RAB38: variants seen among roughly 807,000 people sequenced by gnomAD.
RAB38 encodes the protein RAB38, member RAS oncogene family, also known as ras-related protein Rab-38.
Under a neutral mutation model 18.4 loss-of-function variants are expected in RAB38, and 15 were observed. The observed-to-expected ratio is 0.82, with a 90% CI of 0.55 to 1.26. RAB38 has a LOEUF of 1.26. RAB38 is among the 50% of genes most tolerant of loss of function. The pLI is 0.00. For missense variants in RAB38, 294 were observed against 267.4 expected (o/e 1.10, Z -0.69); for synonymous variants, 101 against 104.4 (o/e 0.97, Z 0.20).
the RAB38 span, among the ~76,000 whole-genome samples, chr11:87,865,761 G>C: frequency 9.2e-5 from 14 of 151,760 alleles, no homozygotes; most frequent in Non-Finnish European, 1.6e-4. Flanking sequence ...GTGAGAGTCC[G>C]CAGACTTGGA....
chr11:87,945,912 G>A, the RAB38 span, among the ~76,000 whole-genome samples: 4 of 152,186 alleles, frequency 2.6e-5, no homozygotes, highest in East Asian at 7.7e-4. Flanking sequence ...ACTATGACAG[G>A]CTCTTCAGAT....
chr11:87,954,574 T>TATC, the RAB38 span, among the ~76,000 whole-genome samples: 1 of 152,038 alleles, frequency 6.6e-6, no homozygotes, highest in Non-Finnish European at 1.5e-5. Flanking sequence ...TTCTGTGCCT[T>TATC]ATCTGAACAA....
chr11:87,877,138 A>G, the RAB38 span, among the ~76,000 whole-genome samples: 6 of 151,652 alleles, frequency 4.0e-5, no homozygotes, highest in East Asian at 1.2e-3. Flanking sequence ...GCATGGAAGT[A>G]CCATACGTGC....
At chr11:87,976,841 A>G in the RAB38 span, among the ~76,000 whole-genome samples, 179 of 55,156 alleles carry the variant, frequency 3.2e-3, 14 homozygotes, top group African/African-American at 0.016. Context: ...ATAAATATAT[A>G]TTGTGTTATA....
At chr11:87,910,804 C>G in the RAB38 span, among the ~76,000 whole-genome samples, 2 of 151,704 alleles carry the variant, frequency 1.3e-5, no homozygotes, top group Admixed American at 1.3e-4. Context: ...CCACACCCAG[C>G]TAATGTATTT....
the RAB38 span, among the ~76,000 whole-genome samples, chr11:87,889,309 A>C: frequency 9.9e-4 from 151 of 151,996 alleles, 1 homozygote; most frequent in African/African-American, 3.4e-3. Flanking sequence ...TGCAATGAGC[A>C]CACATGACCT....
At chr11:87,893,085 G>A in the RAB38 span, among the ~76,000 whole-genome samples, 3 of 151,304 alleles carry the variant, frequency 2.0e-5, no homozygotes, top group Admixed American at 6.6e-5. Context: ...TTGTTTCCAC[G>A]ATGTTGATGG....
At chr11:88,019,205 C>T in the RAB38 span, among the ~76,000 whole-genome samples, 1 of 152,152 alleles carries the variant, frequency 6.6e-6, no homozygotes, top group African/African-American at 2.4e-5. Context: ...AATTTTTCCA[C>T]CTATACCACA....
the RAB38 span, among the ~76,000 whole-genome samples, chr11:87,964,406 A>G: frequency 6.6e-6 from 1 of 152,106 alleles, no homozygotes; most frequent in Non-Finnish European, 1.5e-5. Context: ...GGAATTGTGG[A>G]AGGTCTCTTG....
the RAB38 span, among the ~76,000 whole-genome samples, chr11:87,830,385 G>A: frequency 5.3e-5 from 8 of 151,962 alleles, no homozygotes; most frequent in African/African-American, 1.2e-4. Flanking sequence ...GGAGGCTGAG[G>A]TGGAAGAATA....
At chr11:88,112,040 A>G (rs537398687), downstream of RAB38, among the ~76,000 whole-genome samples, 2 of 152,348 alleles carry the variant, frequency 1.3e-5, no homozygotes, top group South Asian at 4.1e-4. Context: ...TGCCAGGTAG[A>G]CTTGTCAGAA....
chr11:87,929,596 G>A, the RAB38 span, among the ~76,000 whole-genome samples: 1 of 150,482 alleles, frequency 6.6e-6, no homozygotes, highest in African/African-American at 2.4e-5. Flanking sequence ...TAAGTTTTAG[G>A]GTACATGTAT....
the RAB38 span, among the ~76,000 whole-genome samples, chr11:88,004,425 C>T: frequency 1.3e-5 from 2 of 151,082 alleles, no homozygotes; most frequent in Non-Finnish European, 3.0e-5. Flanking sequence ...AAATTCAGTA[C>T]CAATTCTATC....
chr11:88,067,983 T>TTA, the RAB38 span, among the ~76,000 whole-genome samples: 93,092 of 146,660 alleles, frequency 0.63, 29,895 homozygotes, highest in African/African-American at 0.72. Flanking sequence ...ATATATATAC[T>TTA]TATATATATA....
chr11:87,822,460 A>G, the RAB38 span, among the ~76,000 whole-genome samples: 86,775 of 152,054 alleles, frequency 0.57, 27,229 homozygotes, highest in Non-Finnish European at 0.71. Context: ...CTCTCACAAG[A>G]CTTCAAACCA....
chr11:87,953,293 A>G, the RAB38 span, among the ~76,000 whole-genome samples: 1 of 152,182 alleles, frequency 6.6e-6, no homozygotes, highest in African/African-American at 2.4e-5. Context: ...ATGTATATCA[A>G]GTAGTGATGA....
intron 2 of RAB38, among the ~76,000 whole-genome samples, chr11:88,135,102 C>A (rs71467589): frequency 6.9e-4 from 101 of 146,566 alleles, no homozygotes; most frequent in South Asian, 1.2e-3. Flanking sequence ...ACCTTAAAAA[C>A]AACAACAACA....
intron 1 of RAB38, chr11:88,166,676 C>G (rs1943249267): frequency 6.6e-6 from 1 of 151,940 alleles, no homozygotes; most frequent in African/African-American, 2.4e-5. Flanking sequence ...TGACATTTCA[C>G]TTCAAATTAT....
the RAB38 span, among the ~76,000 whole-genome samples, chr11:87,864,550 G>A: frequency 6.6e-6 from 1 of 150,810 alleles, no homozygotes; most frequent in Non-Finnish European, 1.5e-5. Flanking sequence ...TGGTTTTCAG[G>A]TATAATATGA....
Sources: gnomAD v4.1 joint callset for allele counts (sites outside exome capture counted in the v4.1 genomes callset) on GRCh38, gnomAD v4.1.1 for gene constraint, MANE v1.5 for transcripts, NCBI Gene and HGNC (gene_info 2026-07-23, HGNC 2026-07-21) for gene names.